The following MED27 variants were observed in gnomAD, a reference collection of about 807,000 sequenced individuals.
The protein encoded by MED27 is mediator complex subunit 27.
A neutral mutation model predicts 38.2 loss-of-function variants in MED27; 30 were observed. The observed-to-expected ratio is 0.79, with a 90% CI of 0.59 to 1.07. The LOEUF (loss-of-function observed/expected upper bound fraction) is 1.07. MED27 is among the 50% of genes least tolerant of loss of function. MED27 has a pLI of 0.00. For synonymous variants in MED27, 122 were observed against 153.5 expected (o/e 0.79, Z 1.52); for missense variants, 289 against 397.5 (o/e 0.73, Z 2.32).
chr9:131,998,615 C>T (rs34438126), intron 3 of MED27, among the ~76,000 whole-genome samples: 18,626 of 152,214 alleles, frequency 0.12, 1,537 homozygotes, highest in Non-Finnish European at 0.18. Flanking sequence ...ACTCAATAAA[C>T]TGCACTGAAT....
intron 4 of MED27, among the ~76,000 whole-genome samples, chr9:131,938,103 T>C (rs921248675): frequency 7.2e-5 from 11 of 152,174 alleles, no homozygotes; most frequent in African/African-American, 2.4e-4. Context: ...TAACAAACAT[T>C]TAACAAGCCC....
chr9:131,885,319 T>A (rs1321416129), intron 5 of MED27, among the ~76,000 whole-genome samples: 1 of 152,234 alleles, frequency 6.6e-6, no homozygotes, highest in Non-Finnish European at 1.5e-5. Context: ...GATGGCCTCA[T>A]CTGGTGGTGC....
At chr9:131,871,574 G>C (rs1200510705) in intron 6 of MED27, among the ~76,000 whole-genome samples, 1 of 152,142 alleles carries the variant, frequency 6.6e-6, no homozygotes, top group Non-Finnish European at 1.5e-5. Flanking sequence ...TTTCAGGGGT[G>C]ACCTTGTACT....
chr9:131,966,852 A>C (rs866827582), intron 3 of MED27, among the ~76,000 whole-genome samples: 1 of 152,234 alleles, frequency 6.6e-6, no homozygotes, highest in South Asian at 2.1e-4. Flanking sequence ...GAATTCTGGA[A>C]GACTCAATGA....
Position 131,964,999 on chromosome 9 carries a change from T to C in MED27, c.480-25525A>G, listed in dbSNP as rs532789392. Among the ~76,000 whole-genome samples, 365 of 152,292 alleles carry C rather than the reference T, an allele frequency of 2.4e-3. 6 individuals carry two copies. Among genetic ancestry groups the C allele is most frequent in the Non-Finnish European group, 3.8e-3 (259 of 67,986 alleles). ...AAACTTACATACATTGTGTATGCAT[T>C]ATGACTTTTATTTATCTGGATTTAC... On this transcript the variant is annotated intron_variant, in intron 3 of 7. Transcript: ENST00000292035.
At position 131,997,663 on chromosome 9, in the gene MED27, G is replaced by A. The variant is rs1457595794; in HGVS notation, c.479+16674C>T. ...CTGCTTCCTGAGAACCTAATCCTCT[G>A]CCTTGTACTACAGCTGAGACATACA... On this transcript the variant is annotated intron_variant, in intron 3 of 7. Coordinates refer to ENST00000292035, the MANE Select transcript of MED27 (RefSeq NM_004269.4). This position sits in a 1 kb window ranked among gnomAD's most constrained non-coding sequence, Gnocchi z 4.0. Among the ~76,000 whole-genome samples, 1 of 152,144 alleles carries A rather than the reference G, an allele frequency of 6.6e-6. No individual in the cohort carries two copies. The highest frequency in any genetic ancestry group is 2.4e-5 in the African/African-American group (1 of 41,410).
intron 2 of MED27, among the ~76,000 whole-genome samples, chr9:132,059,136 T>A (rs781742293): frequency 6.6e-6 from 1 of 152,082 alleles, no homozygotes; most frequent in Middle Eastern, 3.2e-3. Flanking sequence ...GAAATTTAAC[T>A]CACATGCAAA....
intron 3 of MED27, among the ~76,000 whole-genome samples, chr9:131,981,826 G>A (rs1564311054): frequency 6.6e-6 from 1 of 152,178 alleles, no homozygotes; most frequent in Non-Finnish European, 1.5e-5. Flanking sequence ...AACAAAAACA[G>A]TCCTCCAATT....
At chr9:131,984,021 G>A (rs1004584056) in intron 3 of MED27, among the ~76,000 whole-genome samples, 1 of 152,038 alleles carries the variant, frequency 6.6e-6, no homozygotes, top group African/African-American at 2.4e-5. Flanking sequence ...GGTGTTCACG[G>A]CCTCAACTTG....
chr9:131,967,818 A>ATTTT (rs144420414), intron 3 of MED27, among the ~76,000 whole-genome samples: 1 of 112,886 alleles, frequency 8.9e-6, no homozygotes, highest in Non-Finnish European at 1.8e-5. Flanking sequence ...GCCTCTCATG[A>ATTTT]TTTTTTTTTT....
At chr9:132,036,108 T>C (rs980959821) in intron 2 of MED27, among the ~76,000 whole-genome samples, 4 of 152,136 alleles carry the variant, frequency 2.6e-5, no homozygotes, top group African/African-American at 9.7e-5. Context: ...AACAAAAATA[T>C]TCCCTGGCTA....
At chr9:131,891,978 T>C (rs1839236808) in intron 5 of MED27, among the ~76,000 whole-genome samples, 1 of 152,114 alleles carries the variant, frequency 6.6e-6, no homozygotes, top group Non-Finnish European at 1.5e-5. Context: ...GGGGTACTGT[T>C]AACCAAGATA....
intron 2 of MED27, among the ~76,000 whole-genome samples, chr9:132,031,338 A>G (rs1200369156): frequency 6.6e-6 from 1 of 152,240 alleles, no homozygotes; most frequent in Admixed American, 6.5e-5. Context: ...AAAACATTTC[A>G]TAGTCATAAT....
intron 4 of MED27, among the ~76,000 whole-genome samples, chr9:131,900,528 A>T (rs1829922276): frequency 6.6e-6 from 1 of 152,164 alleles, no homozygotes; most frequent in Non-Finnish European, 1.5e-5. Context: ...ACTTAAAATG[A>T]TCTTCCCCCA....
At chr9:131,993,314 G>A (rs879822313) in intron 3 of MED27, among the ~76,000 whole-genome samples, 2 of 152,088 alleles carry the variant, frequency 1.3e-5, no homozygotes, top group Non-Finnish European at 2.9e-5. Context: ...AGAATACTAG[G>A]GGAAGGGGGA....
chr9:131,954,256 C>T (rs1244987514), intron 3 of MED27, among the ~76,000 whole-genome samples: 1 of 152,180 alleles, frequency 6.6e-6, no homozygotes, highest in Non-Finnish European at 1.5e-5. Flanking sequence ...GCTGACCACA[C>T]TGGGATGCAT....
chr9:132,073,750 A>T (rs1309878911), intron 2 of MED27: 3 of 1,368,578 alleles, frequency 2.2e-6, no homozygotes, highest in East Asian at 2.8e-5. Context: ...TTTCTGTAAT[A>T]AAAAAAAAAT....
In MED27 at chr9:131,951,819, A is replaced by G. The variant is rs780182839; in HGVS notation, c.480-12345T>C. Among the ~76,000 whole-genome samples, 90 of 152,256 alleles carry G rather than the reference A, an allele frequency of 5.9e-4. 1 individual carries two copies. Among genetic ancestry groups the G allele is most frequent in the Admixed American group, 3.0e-3 (46 of 15,288 alleles). ...TACAAAGCCTCAAAAAGTTAATTGC[A>G]GTCATGAAAACACCTCGAAGCATGA... is the stretch of plus-strand genomic sequence containing the variant. On this transcript the variant is annotated intron_variant, in intron 3 of 7. Coordinates refer to ENST00000292035, the MANE Select transcript of MED27 (RefSeq NM_004269.4).
intron 2 of MED27, among the ~76,000 whole-genome samples, chr9:132,049,349 C>T (rs1251027110): frequency 1.3e-5 from 2 of 152,152 alleles, no homozygotes; most frequent in African/African-American, 4.8e-5. Flanking sequence ...TACTGGTAAT[C>T]TTACTTAATC....
Sources: allele counts gnomAD v4.1 joint callset (sites outside exome capture counted in the v4.1 genomes callset), GRCh38; gene constraint gnomAD v4.1.1; non-coding constraint Gnocchi (gnomAD v3.1); transcripts MANE v1.5; gene names NCBI Gene and HGNC (gene_info 2026-07-23, HGNC 2026-07-21).